The following IRAG2 variants were observed in gnomAD, a reference collection of about 807,000 sequenced individuals.
IRAG2 encodes the protein lymphoid restricted membrane protein.
Under a neutral mutation model 69.9 loss-of-function variants are expected in IRAG2, and 45 were observed. That is an observed-to-expected ratio of 0.64 (90% CI 0.51 to 0.83). IRAG2 has a LOEUF of 0.83. Ranked by LOEUF, IRAG2 falls within the 40% of genes least tolerant of loss-of-function variation. The probability of loss-of-function intolerance (pLI) is 0.00; values close to 1 mark genes in which losing one functional copy is unlikely to be tolerated. For missense variants in IRAG2, 520 were observed against 587.0 expected, an observed-to-expected ratio of 0.89 and a Z score of 1.18; for synonymous variants, 193 against 202.4, an observed-to-expected ratio of 0.95 and a Z score of 0.40.
intron 6 of IRAG2, among the ~76,000 whole-genome samples, chr12:25,072,120 A>G (rs1946377684): frequency 6.6e-6 from 1 of 152,098 alleles, no homozygotes; most frequent in Non-Finnish European, 1.5e-5. Flanking sequence ...CAGGAGAATC[A>G]CTTGAATCCG....
chr12:25,039,241 C>T (rs1944727542), intron 16 of IRAG2, among the ~76,000 whole-genome samples: 1 of 152,100 alleles, frequency 6.6e-6, no homozygotes, highest in Non-Finnish European at 1.5e-5. Flanking sequence ...CCAGAAGAAA[C>T]TATTTTATTC....
At chr12:25,075,521 C>CGT (rs747046833) in intron 6 of IRAG2, among the ~76,000 whole-genome samples, 43,733 of 139,074 alleles carry the variant, frequency 0.31, 6,955 homozygotes, top group Non-Finnish European at 0.37. Context: ...TGTGTGTATG[C>CGT]GTGTGTGTGT....
chr12:25,003,833 A>T (rs1429466440), upstream of IRAG2, among the ~76,000 whole-genome samples: 1 of 152,244 alleles, frequency 6.6e-6, no homozygotes, highest in Non-Finnish European at 1.5e-5. Context: ...TTCTGAATAG[A>T]GGGCAACCAG....
chr12:25,020,034 G>A (rs1049161522), intron 6 of IRAG2, among the ~76,000 whole-genome samples: 7 of 152,126 alleles, frequency 4.6e-5, no homozygotes, highest in African/African-American at 1.7e-4. Flanking sequence ...CTTCTTCAAT[G>A]CCTAGCACAG....
intron 5 of IRAG2, chr12:25,015,518 C>T: frequency 2.4e-6 from 2 of 838,192 alleles, no homozygotes; most frequent in Non-Finnish European, 3.2e-6. Context: ...ACAATGAAGT[C>T]ACTTTGCTCT....
rs1456566937 is a variant in IRAG2, at chr12:25,004,783, G to C, written c.442G>C (p.Asp148His). The C allele has an allele frequency of 3.2e-6, 4 of 1,231,940 alleles. No homozygotes were observed. The Admixed American group carries it at 1.7e-4, about 52-fold the overall frequency. The allele number at this position is 1,231,940 out of a possible 1,614,324, so 76.3% of individuals were successfully genotyped here. Reference sequence around the variant, plus strand: ...AAAAGCAGAGTTTTTCTCTAACAAGGATTTGAATAACTATTGTAGTGAAAA... The same window carrying C: ...AAAAGCAGAGTTTTTCTCTAACAAGCATTTGAATAACTATTGTAGTGAAAA... The change falls in exon 1 of 39, where the codon GAT becomes CAT. Residue 148 changes from aspartate (D) to histidine (H), a missense_variant. Coordinates refer to the IRAG2 transcript ENST00000636465.
intron 20 of IRAG2, among the ~76,000 whole-genome samples, chr12:25,105,430 A>G (rs981199476): frequency 1.2e-4 from 18 of 152,008 alleles, no homozygotes; most frequent in African/African-American, 4.1e-4. Context: ...TTTTATGTTT[A>G]TTTATTTTAT....
chr12:25,025,820 T>A (rs1050901086), intron 8 of IRAG2, among the ~76,000 whole-genome samples: 74 of 152,204 alleles, frequency 4.9e-4, no homozygotes, highest in African/African-American at 1.6e-3. Flanking sequence ...GGAAATTTTC[T>A]TCTGGTTGTT....
upstream of IRAG2, among the ~76,000 whole-genome samples, chr12:25,003,806 G>C (rs1210958143): frequency 1.3e-5 from 2 of 152,014 alleles, no homozygotes; most frequent in Non-Finnish European, 2.9e-5. Context: ...ACCTAATATG[G>C]GGCATATTTA....
chr12:25,030,312 A>G, exon 10 of IRAG2: 10 of 1,231,722 alleles, frequency 8.1e-6, no homozygotes, highest in Non-Finnish European at 1.0e-5. Flanking sequence ...ACTTTGCTTA[A>G]TAAAGATACA....
intron 16 of IRAG2, among the ~76,000 whole-genome samples, chr12:25,039,677 C>G (rs958209644): frequency 1.2e-4 from 19 of 152,056 alleles, no homozygotes; most frequent in African/African-American, 4.1e-4. Flanking sequence ...TGATCCGCCC[C>G]CCTCGGCCTC....
intron 15 of IRAG2, among the ~76,000 whole-genome samples, chr12:25,037,603 G>A (rs1024615395): frequency 6.6e-6 from 1 of 152,156 alleles, no homozygotes; most frequent in Non-Finnish European, 1.5e-5. Context: ...AAGATTACAT[G>A]TGAATATGAT....
At chr12:25,101,100 G>A in intron 15 of IRAG2, 78 bp from the exon 16 acceptor site, 1 of 1,293,680 alleles carries the variant, frequency 7.7e-7, no homozygotes, top group Non-Finnish European at 1.1e-6. Flanking sequence ...ATGGAGTGAA[G>A]GTAAATGTGT....
At chr12:24,998,146 CAGA>C in the IRAG2 span, among the ~76,000 whole-genome samples, 1 of 152,148 alleles carries the variant, frequency 6.6e-6, no homozygotes, top group Admixed American at 6.6e-5. Context: ...AGAAGTGAGA[CAGA>C]AGAACAGTTT....
At chr12:25,011,291 A>G in intron 2 of IRAG2, 2 of 1,150,684 alleles carry the variant, frequency 1.7e-6, no homozygotes, top group African/African-American at 1.6e-5. Flanking sequence ...ATCAGGAAAC[A>G]TTAAAGAGAT....
intron 5 of IRAG2, among the ~76,000 whole-genome samples, chr12:25,067,118 G>A (rs1014388358): frequency 6.6e-6 from 1 of 152,086 alleles, no homozygotes. Flanking sequence ...GTTAACATAG[G>A]TAGATTTTGA....
At chr12:25,053,593 A>G (rs1591947464) in intron 1 of IRAG2, among the ~76,000 whole-genome samples, 1 of 152,160 alleles carries the variant, frequency 6.6e-6, no homozygotes, top group Admixed American at 6.6e-5. Context: ...TTGTCACATT[A>G]CAGATGTCAG....
At position 25,079,453 on chromosome 12, in the gene IRAG2, A is replaced by G. The variant is rs1294692897; in HGVS notation, c.127A>G (p.Thr43Ala). 2.5e-6 allele frequency: 4 copies of G among 1,612,266 alleles called. No homozygotes were observed. In the African/African-American group the frequency reaches 4.0e-5, roughly 16 times the overall value. Residue 43 changes from threonine (T) to alanine (A), a missense_variant, in exon 8 of 22, where the codon ACT becomes GCT. Coordinates refer to ENST00000556887, the MANE Select transcript of IRAG2 (RefSeq NM_001366544.2). ...CACTTCATCGACAGACGGTACTATA[A>G]CTTCAAGTGGTAAGTGGATTTGGAA... ...RHTSSTDGTI[T>A]SSDPGLEILN...
At chr12:25,022,124 C>T (rs1240456574) in intron 7 of IRAG2, among the ~76,000 whole-genome samples, 1 of 152,210 alleles carries the variant, frequency 6.6e-6, no homozygotes, top group Non-Finnish European at 1.5e-5. Context: ...AACAATACTA[C>T]TTACCCTAGG....
Sources: gnomAD v4.1 joint callset for allele counts (sites outside exome capture counted in the v4.1 genomes callset) on GRCh38, gnomAD v4.1.1 for gene constraint, MANE v1.5 for transcripts, NCBI Gene and HGNC (gene_info 2026-07-23, HGNC 2026-07-21) for gene names.